GAP43: variants seen among roughly 807,000 people sequenced by gnomAD.
GAP43 encodes neuromodulin.
In GAP43, 6 loss-of-function variants were observed where a neutral mutation model predicts 18.6. That is an observed-to-expected ratio of 0.32 (90% confidence interval 0.18 to 0.64). GAP43 has a LOEUF of 0.64. Among genes scored for constraint, GAP43 ranks in the 30% least tolerant of loss-of-function variants. The pLI, the probability that GAP43 is intolerant of heterozygous loss-of-function variation, is 0.78. For missense variants in GAP43, 292 were observed against 295.5 expected (o/e 0.99, Z 0.09); for synonymous variants, 115 against 111.4 (o/e 1.03, Z -0.20).
chr3:115,701,663 A>G (rs1260303621), intron 2 of GAP43, among the ~76,000 whole-genome samples: 1 of 151,972 alleles, frequency 6.6e-6, no homozygotes, highest in African/African-American at 2.4e-5. Context: ...CCAAATGTCC[A>G]TGGTTGATTT....
At chr3:115,702,726 C>G (rs1027232471) in intron 2 of GAP43, among the ~76,000 whole-genome samples, 3 of 152,052 alleles carry the variant, frequency 2.0e-5, no homozygotes, top group African/African-American at 4.8e-5. Flanking sequence ...ATTTGTTTCT[C>G]TGTGTGTGTA....
intron 2 of GAP43, among the ~76,000 whole-genome samples, chr3:115,708,012 C>CAT (rs1287930105): frequency 3.1e-5 from 1 of 32,780 alleles, no homozygotes; most frequent in Non-Finnish European, 8.8e-5. Context: ...CACACACACA[C>CAT]ACATATATAT....
chr3:115,630,454 T>G (rs887828762), intron 1 of GAP43, among the ~76,000 whole-genome samples: 2 of 152,200 alleles, frequency 1.3e-5, no homozygotes, highest in African/African-American at 4.8e-5. Flanking sequence ...TTAAATAGAC[T>G]GAAGGGACTT....
intron 2 of GAP43, among the ~76,000 whole-genome samples, chr3:115,703,537 A>C (rs1368522018): frequency 1.3e-5 from 2 of 152,076 alleles, no homozygotes; most frequent in Non-Finnish European, 2.9e-5. Context: ...TAGGTGGGGA[A>C]ATGCTAGAGG....
At chr3:115,717,363 G>T (rs1035233177) in intron 2 of GAP43, among the ~76,000 whole-genome samples, 1 of 150,434 alleles carries the variant, frequency 6.6e-6, no homozygotes, top group Non-Finnish European at 1.5e-5. Context: ...AGGCCGGAGT[G>T]CAATGGCAGG....
chr3:115,690,472 C>T (rs1293058395), intron 2 of GAP43, among the ~76,000 whole-genome samples: 1 of 152,132 alleles, frequency 6.6e-6, no homozygotes, highest in Non-Finnish European at 1.5e-5. Context: ...ACTGGACAGT[C>T]CTGGGTTCAA....
At chr3:115,639,645 A>T (rs1430942303) in intron 1 of GAP43, among the ~76,000 whole-genome samples, 6 of 152,102 alleles carry the variant, frequency 3.9e-5, no homozygotes, top group Non-Finnish European at 7.4e-5. Context: ...TGGGGGAAGT[A>T]TCCATCTGTC....
At chr3:115,717,792 A>G (rs1709529434) in intron 2 of GAP43, among the ~76,000 whole-genome samples, 1 of 152,196 alleles carries the variant, frequency 6.6e-6, no homozygotes, top group Non-Finnish European at 1.5e-5. Flanking sequence ...AGCATTTGAG[A>G]AAATGAATAT....
At chr3:115,664,251 C>T (rs923055539) in intron 1 of GAP43, among the ~76,000 whole-genome samples, 16 of 127,104 alleles carry the variant, frequency 1.3e-4, no homozygotes, top group African/African-American at 3.6e-4. Flanking sequence ...TTTTAAAGGT[C>T]GCTTTTTTAT....
chr3:115,651,203 C>T (rs1359011313), intron 1 of GAP43, among the ~76,000 whole-genome samples: 2 of 152,078 alleles, frequency 1.3e-5, no homozygotes, highest in East Asian at 1.9e-4. Flanking sequence ...ATTTGGAACC[C>T]ATATGCCAAC....
chr3:115,698,156 A>T (rs948657534), intron 2 of GAP43, among the ~76,000 whole-genome samples: 2 of 29,696 alleles, frequency 6.7e-5, no homozygotes, highest in African/African-American at 1.0e-4. Context: ...TATTATATAT[A>T]ATATATAAAA....
intron 2 of GAP43, among the ~76,000 whole-genome samples, chr3:115,686,759 G>A (rs1371670435): frequency 6.6e-6 from 1 of 152,128 alleles, no homozygotes; most frequent in Non-Finnish European, 1.5e-5. Context: ...ACATGTTGAT[G>A]GAGGCAATAG....
At chr3:115,625,844 C>G (rs1474975463) in intron 1 of GAP43, among the ~76,000 whole-genome samples, 2 of 152,198 alleles carry the variant, frequency 1.3e-5, no homozygotes, top group Non-Finnish European at 2.9e-5. Context: ...ACTTCATATG[C>G]TACAGTTGCA....
intron 2 of GAP43, among the ~76,000 whole-genome samples, chr3:115,683,143 G>GCACACACACACA (rs1263644111): frequency 1.9e-4 from 24 of 126,124 alleles, no homozygotes; most frequent in Non-Finnish European, 3.5e-4. Flanking sequence ...GTGCGCGCGC[G>GCACACACACACA]CGCGCACACA....
At chr3:115,683,139 G>GCACACACA (rs1247509041) in intron 2 of GAP43, among the ~76,000 whole-genome samples, 9 of 126,140 alleles carry the variant, frequency 7.1e-5, no homozygotes, top group South Asian at 2.5e-4. Context: ...GCGCGTGCGC[G>GCACACACA]CGCGCGCGCA....
intron 2 of GAP43, among the ~76,000 whole-genome samples, chr3:115,697,605 T>C (rs1709213058): frequency 6.6e-6 from 1 of 152,158 alleles, no homozygotes; most frequent in South Asian, 2.1e-4. Context: ...AGGGAGGAAA[T>C]TGTTTCATCT....
intron 2 of GAP43, among the ~76,000 whole-genome samples, chr3:115,704,613 C>T (rs955098495): frequency 2.0e-5 from 3 of 151,970 alleles, no homozygotes; most frequent in African/African-American, 7.2e-5. Flanking sequence ...AATTACCTTG[C>T]ATTTCTCAAA....
At chr3:115,628,475 A>G (rs1169141770) in intron 1 of GAP43, among the ~76,000 whole-genome samples, 1 of 151,754 alleles carries the variant, frequency 6.6e-6, no homozygotes. Context: ...CTCCCCATTC[A>G]CTATTCCATC....
chr3:115,678,606 C>T (rs537156157), intron 2 of GAP43, among the ~76,000 whole-genome samples: 7 of 152,126 alleles, frequency 4.6e-5, no homozygotes, highest in Non-Finnish European at 7.4e-5. Flanking sequence ...TTATATATTT[C>T]TCTTGCATAT....
Sources: gnomAD v4.1 joint callset for allele counts (sites outside exome capture counted in the v4.1 genomes callset) on GRCh38, gnomAD v4.1.1 for gene constraint, MANE v1.5 for transcripts, NCBI Gene and HGNC (gene_info 2026-07-23, HGNC 2026-07-21) for gene names.